Variants in DCHS2 observed in about 807,000 individuals in gnomAD.
DCHS2 encodes the protein protocadherin-23.
DCHS2 carries 142 observed loss-of-function variants against 182.4 expected under a neutral mutation model. The ratio of observed to expected loss-of-function variants is 0.78; its 90% CI spans 0.68 to 0.89. The LOEUF (loss-of-function observed/expected upper bound fraction) is 0.89, where lower values mean the gene tolerates loss of function less well. DCHS2 is among the 40% of genes least tolerant of loss of function. DCHS2 has a pLI of 0.00. For missense variants in DCHS2, 4,319 were observed against 4,198.6 expected, an observed-to-expected ratio of 1.03 and a Z score of -0.79; for synonymous variants, 1,740 against 1,663.3, an observed-to-expected ratio of 1.05 and a Z score of -1.12.
At chr4:154,441,983 T>G (rs561637091) in intron 1 of DCHS2, among the ~76,000 whole-genome samples, 3 of 152,218 alleles carry the variant, frequency 2.0e-5, no homozygotes, top group Admixed American at 2.0e-4. Context: ...GGTAAGTCAA[T>G]GGGTAAATTT....
intron 1 of DCHS2, among the ~76,000 whole-genome samples, chr4:154,384,945 T>C (rs527834989): frequency 7.2e-5 from 11 of 152,238 alleles, no homozygotes; most frequent in African/African-American, 2.6e-4. Context: ...TTATTATACT[T>C]TAAGTTTTAG....
intron 1 of DCHS2, among the ~76,000 whole-genome samples, chr4:154,434,652 C>T (rs9998926): frequency 1.3e-5 from 2 of 151,738 alleles, no homozygotes; most frequent in African/African-American, 2.4e-5. Flanking sequence ...TCTGTGTACT[C>T]TTATGAAGAT....
At chr4:154,382,554 G>C (rs1046613203) in intron 1 of DCHS2, among the ~76,000 whole-genome samples, 21 of 151,982 alleles carry the variant, frequency 1.4e-4, no homozygotes, top group African/African-American at 4.8e-4. Context: ...AGAGTAAACA[G>C]ACAACCCCTC....
chr4:154,429,731 T>C (rs1560753364), intron 1 of DCHS2, among the ~76,000 whole-genome samples: 1 of 152,120 alleles, frequency 6.6e-6, no homozygotes. Context: ...TCCATTGTCA[T>C]ATAATTTCAA....
chr4:154,330,656 A>G (rs1432386126), intron 5 of DCHS2, among the ~76,000 whole-genome samples: 1 of 152,174 alleles, frequency 6.6e-6, no homozygotes, highest in East Asian at 1.9e-4. Flanking sequence ...TTTTCCTCTT[A>G]ATACAAATAA....
chr4:154,254,178 AAC>A (rs1288805583), intron 16 of DCHS2, among the ~76,000 whole-genome samples: 1 of 152,208 alleles, frequency 6.6e-6, no homozygotes, highest in African/African-American at 2.4e-5. Flanking sequence ...AAAACCGAAA[AAC>A]ACAACATCTA....
chr4:154,490,423 C>G lies in DCHS2; in HGVS notation c.933G>C (p.Pro311=). The G allele has an allele frequency of 6.5e-7, 1 of 1,533,672 alleles. No individual in the cohort carries two copies. The highest frequency in any genetic ancestry group is 1.2e-5 in the South Asian group (1 of 83,780). Residue 311 remains proline (P), a synonymous_variant, in exon 1 of 20, where the codon CCG becomes CCC. Coordinates refer to ENST00000357232, the MANE Select transcript of DCHS2 (RefSeq NM_001358235.2). ...YRAAVREDAQ[P]GAEVCRVRAT... The stretch of plus-strand genomic sequence containing the variant: ...CGCGCACGCGACAGACCTCGGCGCC[C>G]GGCTGGGCGTCCTCGCGCACCGCGG...
At chr4:154,283,138 T>C (rs1734228994) in intron 13 of DCHS2, among the ~76,000 whole-genome samples, 1 of 152,130 alleles carries the variant, frequency 6.6e-6, no homozygotes, top group African/African-American at 2.4e-5. Flanking sequence ...GACTTAGAAA[T>C]AATCAAGATG....
At chr4:154,361,461 A>G (rs1305998465) in intron 3 of DCHS2, among the ~76,000 whole-genome samples, 1 of 152,210 alleles carries the variant, frequency 6.6e-6, no homozygotes, top group Non-Finnish European at 1.5e-5. Flanking sequence ...AAATCTACAT[A>G]TAATTCACAA....
In DCHS2 at chr4:154,491,274, T is replaced by A. The variant is rs879529828; in HGVS notation, c.82A>T (p.Arg28Trp). 5.2e-6 allele frequency: 8 copies of A among 1,550,690 alleles called. No individual in the cohort carries two copies. Among genetic ancestry groups the A allele is most frequent in the African/African-American group, 1.4e-5 (1 of 72,980 alleles). Residue 28 changes from arginine (R) to tryptophan (W), a missense_variant, in exon 1 of 20, where the codon AGG becomes TGG. By Grantham distance (101) the Arg-to-Trp change is moderately radical. Coordinates refer to ENST00000357232, the MANE Select transcript of DCHS2 (RefSeq NM_001358235.2). ...PVGKLLLLPG[R>W]RDTPHGRSGS... The stretch of plus-strand genomic sequence containing the variant: ...GACCGCCCATGGGGTGTATCTCTCC[T>A]CCCGGGGAGCAGAAGGAGCTTCCCG...
chr4:154,297,936 C>G lies in DCHS2; in HGVS notation c.6378G>C (p.Leu2126Phe), dbSNP rs896546285. Residue 2126 changes from leucine to phenylalanine, a missense_variant, in exon 13 of 20, where the codon TTG (leucine) becomes TTC (phenylalanine). Physicochemically the swap from Leu to Phe is conservative, Grantham distance 22. Transcript: ENST00000357232. ...GIPARTTTGL[L>F]VIHMEGEDVK... ...CATCTTCTCCTTCCATGTGAATGAC[C>G]AAGAGACCCGTGGTTGTCCTGGCTG... The G allele has an allele frequency of 1.9e-5, 31 of 1,613,940 alleles. No individual in the cohort carries two copies. Among genetic ancestry groups the G allele is most frequent in the Non-Finnish European group, 2.2e-5 (26 of 1,179,998 alleles).
intron 9 of DCHS2, among the ~76,000 whole-genome samples, chr4:154,317,035 T>C (rs1735884618): frequency 6.6e-6 from 1 of 152,232 alleles, no homozygotes. Context: ...TTTTATAAAA[T>C]AATTTTTCAA....
chr4:154,267,825 AG>A (rs1366971686), intron 14 of DCHS2, among the ~76,000 whole-genome samples: 1 of 152,134 alleles, frequency 6.6e-6, no homozygotes, highest in East Asian at 1.9e-4. Flanking sequence ...CCTCTCCAGT[AG>A]TTTTTGTATT....
intron 3 of DCHS2, among the ~76,000 whole-genome samples, chr4:154,363,287 C>T (rs997681663): frequency 3.9e-5 from 6 of 152,120 alleles, no homozygotes; most frequent in African/African-American, 1.4e-4. Context: ...GCATTATTCA[C>T]AATAGCCAAG....
Position 154,490,429 on chromosome 4 carries a change from G to C in DCHS2, c.927C>G (p.Ala309=). The C allele has an allele frequency of 2.0e-6, 3 of 1,534,030 alleles. No individual in the cohort carries two copies. Among genetic ancestry groups the C allele is most frequent in the Non-Finnish European group, 2.6e-6 (3 of 1,145,232 alleles). The part of the protein sequence containing the change: ...DEYRAAVRED[A]QPGAEVCRVR... ...CGCGACAGACCTCGGCGCCCGGCTG[G>C]GCGTCCTCGCGCACCGCGGCGCGGT... The change falls in exon 1 of 20, where the codon GCC becomes GCG. Residue 309 remains alanine, a synonymous_variant. Coordinates refer to ENST00000357232, the MANE Select transcript of DCHS2 (RefSeq NM_001358235.2).
chr4:154,409,348 T>C (rs914574153), intron 1 of DCHS2, among the ~76,000 whole-genome samples: 3 of 152,164 alleles, frequency 2.0e-5, no homozygotes, highest in African/African-American at 7.2e-5. Flanking sequence ...AGAGTCACCA[T>C]TATGCAGTGT....
At chr4:154,416,354 G>T in intron 1 of DCHS2, among the ~76,000 whole-genome samples, 1 of 152,142 alleles carries the variant, frequency 6.6e-6, no homozygotes, top group African/African-American at 2.4e-5. Flanking sequence ...CCCCCACCTC[G>T]CATCCCAGGA....
rs1735799242 is a variant in DCHS2 at position 154,478,797 on chromosome 4, AG to A, written c.2052+10506del. On this transcript the variant is annotated intron_variant, in intron 1 of 19. Transcript: ENST00000357232. ...GAAATGGGGCTTTCACAGGTGCCTG[AG>A]AGTCAGAATTTGCAGTTTGAGTCCA... is the stretch of plus-strand genomic sequence containing the variant. 2.0e-5 allele frequency among the ~76,000 whole-genome samples: 3 copies of A among 152,208 alleles called. No individual in the cohort carries two copies. The South Asian group carries it at 6.2e-4, about 32-fold the overall frequency.
In DCHS2 at chr4:154,480,031, A is replaced by G. The variant is rs1024518700; in HGVS notation, c.2052+9273T>C. Among the ~76,000 whole-genome samples the G allele has an allele frequency of 2.0e-5, 3 of 152,240 alleles. No individual in the cohort carries two copies. The South Asian group carries it at 6.2e-4, about 31-fold the overall frequency. On this transcript the variant is annotated intron_variant, in intron 1 of 19. Coordinates refer to ENST00000357232, the MANE Select transcript of DCHS2 (RefSeq NM_001358235.2). The stretch of plus-strand genomic sequence containing the variant: ...TAACCGTTCCTACTTAAAATAATCT[A>G]TACTTCAAAGGAGAGTAAACAGTGC...
Sources: gnomAD v4.1 joint callset for allele counts (sites outside exome capture counted in the v4.1 genomes callset) on GRCh38, gnomAD v4.1.1 for gene constraint, MANE v1.5 for transcripts, NCBI Gene and HGNC (gene_info 2026-07-23, HGNC 2026-07-21) for gene names.